The following ARIH1 variants were observed in gnomAD, a reference collection of about 807,000 sequenced individuals.
ARIH1 encodes E3 ubiquitin-protein ligase ARIH1.
In ARIH1, 8 loss-of-function variants were observed where a neutral mutation model predicts 85.0. The ratio of observed to expected loss-of-function variants is 0.09; its 90% confidence interval spans 0.06 to 0.17. The LOEUF is 0.17. ARIH1 is among the 10% of genes least tolerant of loss of function. The pLI is 1.00. For missense variants in ARIH1, 311 were observed against 718.1 expected (o/e 0.43, Z 6.48); for synonymous variants, 238 against 253.6 (o/e 0.94, Z 0.59).
chr15:72,562,946 G>C (rs1331822815), intron 6 of ARIH1, among the ~76,000 whole-genome samples: 2 of 149,174 alleles, frequency 1.3e-5, no homozygotes, highest in South Asian at 4.2e-4. Flanking sequence ...GAAGACCACA[G>C]CAAGTTTTCA....
chr15:72,530,682 A>G (rs567716888), intron 2 of ARIH1, among the ~76,000 whole-genome samples: 5 of 152,352 alleles, frequency 3.3e-5, no homozygotes, highest in South Asian at 2.1e-4. Flanking sequence ...TGAGTATGCT[A>G]TCACCAGGGA....
At position 72,591,550 on chromosome 15, in the gene ARIH1, C is replaced by G. The variant is rs1240860259; in HGVS notation, c.*8258C>G. 2.6e-5 allele frequency: 4 copies of G among 152,108 alleles called. No homozygotes were observed. 9.4% of individuals were successfully genotyped at this position (152,108 alleles called of 1,614,324 possible). On this transcript the variant is annotated 3_prime_UTR_variant, in exon 14 of 14. Transcript: ENST00000379887. ...TTTTGTCCTAAGTTTTCTTAGGGAT[C>G]CTATCCAAAAACACCATTACTTGAA...
At chr15:72,487,864 G>T (rs1049849000) in intron 1 of ARIH1, among the ~76,000 whole-genome samples, 48 of 152,210 alleles carry the variant, frequency 3.2e-4, no homozygotes, top group African/African-American at 1.1e-3. Flanking sequence ...GGCATTCATG[G>T]CTTCCCCATC....
intron 3 of ARIH1, among the ~76,000 whole-genome samples, chr15:72,551,144 T>A (rs997230677): frequency 2.0e-5 from 3 of 152,186 alleles, no homozygotes; most frequent in Non-Finnish European, 4.4e-5. Flanking sequence ...AAGGGAATTT[T>A]AAAATACCCT....
chr15:72,475,997 T>TA (rs1236823319), intron 1 of ARIH1, among the ~76,000 whole-genome samples: 1 of 152,110 alleles, frequency 6.6e-6, no homozygotes, highest in Admixed American at 6.5e-5. Flanking sequence ...GGCTGAAGAA[T>TA]AAAAATGAAG....
At chr15:72,523,156 A>G (rs1263348984) in intron 2 of ARIH1, among the ~76,000 whole-genome samples, 1 of 152,246 alleles carries the variant, frequency 6.6e-6, no homozygotes, top group East Asian at 1.9e-4. Flanking sequence ...TACCCAAATG[A>G]GTTGAAAACT....
intron 5 of ARIH1, among the ~76,000 whole-genome samples, chr15:72,561,190 T>C (rs1348901989): frequency 6.6e-6 from 1 of 152,202 alleles, no homozygotes; most frequent in Non-Finnish European, 1.5e-5. Context: ...GCGCTTATAC[T>C]TGGCACTAGT....
intron 1 of ARIH1, among the ~76,000 whole-genome samples, chr15:72,498,961 AT>A (rs535261674): frequency 4.8e-4 from 42 of 88,412 alleles, no homozygotes; most frequent in African/African-American, 1.9e-3. Flanking sequence ...CTTTTCATAA[AT>A]TTTTTTTTTT....
chr15:72,558,499 G>A (rs770083875), intron 5 of ARIH1, among the ~76,000 whole-genome samples: 3 of 152,052 alleles, frequency 2.0e-5, no homozygotes, highest in Admixed American at 6.6e-5. Context: ...ACAGAGTTTC[G>A]TCATGTTGGC....
At chr15:72,548,103 T>C (rs1027030055) in intron 3 of ARIH1, among the ~76,000 whole-genome samples, 2 of 152,168 alleles carry the variant, frequency 1.3e-5, no homozygotes, top group African/African-American at 2.4e-5. Context: ...GCAGGTTAGT[T>C]GGGTAGATAA....
At chr15:72,581,131 C>T (rs934685377) in intron 12 of ARIH1, 140 bp downstream of exon 12, 1 of 923,954 alleles carries the variant, frequency 1.1e-6, no homozygotes, top group African/African-American at 1.7e-5. Context: ...TACAAAGATA[C>T]AAGAAATTTC....
At chr15:72,493,607 A>G (rs2063868098) in intron 1 of ARIH1, among the ~76,000 whole-genome samples, 2 of 152,222 alleles carry the variant, frequency 1.3e-5, no homozygotes, top group South Asian at 4.1e-4. Context: ...TACAAAAATA[A>G]AAGCACTTTC....
chr15:72,541,281 C>CTCTCCCGACACTCAGCTTT (rs1192117660), intron 2 of ARIH1, among the ~76,000 whole-genome samples: 26 of 152,166 alleles, frequency 1.7e-4, no homozygotes, highest in Non-Finnish European at 2.9e-4. Flanking sequence ...GCCTCAGCTT[C>CTCTCCCGACACTCAGCTTT]TCTCCCGACA....
chr15:72,570,111 T>G (rs2140435545), intron 9 of ARIH1, 66 bp from the exon 10 acceptor site: 1 of 1,566,524 alleles, frequency 6.4e-7, no homozygotes. Flanking sequence ...AGAACTGGCT[T>G]TTCCTTAATG....
chr15:72,511,035 T>C (rs530954813), intron 1 of ARIH1, among the ~76,000 whole-genome samples: 48 of 152,300 alleles, frequency 3.2e-4, no homozygotes, highest in Admixed American at 1.6e-3. Context: ...TTGATTGGCA[T>C]TGAGTGGAAT....
At chr15:72,480,058 A>G (rs1460110016) in intron 1 of ARIH1, among the ~76,000 whole-genome samples, 2 of 151,310 alleles carry the variant, frequency 1.3e-5, no homozygotes, top group East Asian at 2.0e-4. Flanking sequence ...TTTAGTAGAG[A>G]TGGGGTTTCA....
intron 1 of ARIH1, among the ~76,000 whole-genome samples, chr15:72,492,337 A>G (rs1469118045): frequency 6.6e-6 from 1 of 152,230 alleles, no homozygotes; most frequent in Admixed American, 6.5e-5. Context: ...GAAGAATAGC[A>G]CCGTGAAACT....
chr15:72,490,290 C>T (rs1018210602), intron 1 of ARIH1, among the ~76,000 whole-genome samples: 3 of 151,910 alleles, frequency 2.0e-5, no homozygotes, highest in Non-Finnish European at 2.9e-5. Context: ...TCACCTTACT[C>T]AGTTTATTAC....
At chr15:72,551,561 G>C (rs947873585) in intron 3 of ARIH1, among the ~76,000 whole-genome samples, 4 of 152,210 alleles carry the variant, frequency 2.6e-5, no homozygotes, top group African/African-American at 9.6e-5. Flanking sequence ...CATGGTGTTA[G>C]AGCAACTTGG....
Sources: gnomAD v4.1 joint callset for allele counts (sites outside exome capture counted in the v4.1 genomes callset) on GRCh38, gnomAD v4.1.1 for gene constraint, MANE v1.5 for transcripts, NCBI Gene and HGNC (gene_info 2026-07-23, HGNC 2026-07-21) for gene names.